The following TMPRSS11D variants were observed in gnomAD, a reference collection of about 807,000 sequenced individuals.
TMPRSS11D encodes transmembrane serine protease 11D.
TMPRSS11D carries 32 observed loss-of-function variants against 44.4 expected under a neutral mutation model. The observed-to-expected ratio is 0.72, with a 90% CI of 0.54 to 0.97. The LOEUF is 0.97. Ranked by LOEUF, TMPRSS11D falls within the 50% of genes least tolerant of loss-of-function variation. The probability of loss-of-function intolerance (pLI) is 0.00; values close to 1 mark genes in which losing one functional copy is unlikely to be tolerated. For synonymous variants in TMPRSS11D, 179 were observed against 177.9 expected (o/e 1.01, Z -0.05); for missense variants, 446 against 502.6 (o/e 0.89, Z 1.08).
chr4:67,838,061 C>T, intron 5 of TMPRSS11D, 111 bp downstream of exon 5: 1 of 898,262 alleles, frequency 1.1e-6, no homozygotes. Flanking sequence ...ATTGTTTTCA[C>T]AGTTTAGTTT....
chr4:67,842,692 T>G (rs1718262071), intron 3 of TMPRSS11D, 67 bp from the exon 4 acceptor site: 1 of 1,413,498 alleles, frequency 7.1e-7, no homozygotes, highest in Non-Finnish European at 9.9e-7. Flanking sequence ...CTCTCAACCT[T>G]GCAACATGAG....
At chr4:67,859,531 A>C (rs766747403) in intron 2 of TMPRSS11D, 26 bp downstream of exon 2, 8 of 1,606,562 alleles carry the variant, frequency 5.0e-6, no homozygotes, top group Non-Finnish European at 6.0e-6. Flanking sequence ...ATTAAATCTG[A>C]AGAGTAATAA....
At chr4:67,861,649 T>A (rs1356423326) in intron 1 of TMPRSS11D, among the ~76,000 whole-genome samples, 3 of 152,130 alleles carry the variant, frequency 2.0e-5, no homozygotes, top group South Asian at 2.1e-4. Context: ...GTGCTTTAAC[T>A]TGGATGAGCC....
intron 2 of TMPRSS11D, among the ~76,000 whole-genome samples, chr4:67,855,999 C>T (rs1179437297): frequency 1.3e-5 from 2 of 152,084 alleles, no homozygotes; most frequent in East Asian, 3.9e-4. Flanking sequence ...AGGGCACAAA[C>T]AAATGGAAAG....
At position 67,821,226 on chromosome 4, in the gene TMPRSS11D, T is replaced by C. The variant is rs1443861796; in HGVS notation, c.*1111A>G. On this transcript the variant is annotated 3_prime_UTR_variant, in exon 10 of 10. Transcript: ENST00000283916. ...ACATTTTAGTGGATTTAATTTACAT[T>C]ATATTCTTTGGTGGGGGAGGCATGT... is the stretch of plus-strand genomic sequence containing the variant. The C allele has an allele frequency of 6.6e-6, 1 of 152,134 alleles. No individual in the cohort carries two copies. Among genetic ancestry groups the C allele is most frequent in the East Asian group, 1.9e-4 (1 of 5,194 alleles). 9.4% of individuals were successfully genotyped at this position (152,134 alleles called of 1,614,324 possible).
chr4:67,852,909 T>G (rs933445459), intron 3 of TMPRSS11D, among the ~76,000 whole-genome samples: 1 of 152,146 alleles, frequency 6.6e-6, no homozygotes, highest in Non-Finnish European at 1.5e-5. Flanking sequence ...CTGCAAATAT[T>G]TATAATATAA....
At chr4:67,858,994 A>G (rs1035992346) in intron 2 of TMPRSS11D, among the ~76,000 whole-genome samples, 2 of 152,140 alleles carry the variant, frequency 1.3e-5, no homozygotes, top group African/African-American at 4.8e-5. Context: ...ATAATGTTTT[A>G]AAAAGTTTGA....
intron 8 of TMPRSS11D, 97 bp from the exon 9 acceptor site, chr4:67,825,971 T>C: frequency 7.5e-7 from 1 of 1,333,472 alleles, no homozygotes; most frequent in Non-Finnish European, 1.0e-6. Context: ...CTCCAAACAT[T>C]ATTTCATATT....
chr4:67,847,208 A>G (rs1337861385), intron 3 of TMPRSS11D, among the ~76,000 whole-genome samples: 1 of 152,080 alleles, frequency 6.6e-6, no homozygotes, highest in Admixed American at 6.6e-5. Context: ...CCGGCCTTAA[A>G]AAGTGATTTT....
intron 2 of TMPRSS11D, 137 bp from the exon 3 acceptor site, chr4:67,854,323 G>A (rs561536272): frequency 8.2e-6 from 4 of 489,626 alleles, no homozygotes; most frequent in African/African-American, 6.1e-5. Context: ...CTATGCTTCA[G>A]TGTAATTATG....
chr4:67,874,926 A>G (rs1342032089), intron 1 of TMPRSS11D, among the ~76,000 whole-genome samples: 1 of 152,192 alleles, frequency 6.6e-6, no homozygotes, highest in Non-Finnish European at 1.5e-5. Flanking sequence ...AAAAAAGGTG[A>G]CTTTTAGTGA....
chr4:67,822,994 T>C (rs534285327), intron 9 of TMPRSS11D, among the ~76,000 whole-genome samples: 2 of 152,206 alleles, frequency 1.3e-5, no homozygotes, highest in African/African-American at 4.8e-5. Flanking sequence ...TGTTTTGATG[T>C]AGCAGCTGCA....
At chr4:67,850,593 G>A (rs1018847449) in intron 3 of TMPRSS11D, among the ~76,000 whole-genome samples, 2 of 152,136 alleles carry the variant, frequency 1.3e-5, no homozygotes, top group African/African-American at 4.8e-5. Context: ...AGCAGCAAGG[G>A]CTCGGTGCCA....
chr4:67,846,888 C>A (rs1156623070), intron 3 of TMPRSS11D, among the ~76,000 whole-genome samples: 1 of 141,176 alleles, frequency 7.1e-6, no homozygotes, highest in Non-Finnish European at 1.5e-5. Context: ...CTCTCTATAG[C>A]ATGAATTTTA....
chr4:67,841,394 CA>C (rs1439149456), intron 4 of TMPRSS11D, among the ~76,000 whole-genome samples: 2 of 152,158 alleles, frequency 1.3e-5, no homozygotes, highest in East Asian at 3.9e-4. Context: ...CAAGGCCATG[CA>C]AACCAAGGGA....
chr4:67,867,188 GC>G (rs1718946403), intron 1 of TMPRSS11D, among the ~76,000 whole-genome samples: 1 of 151,946 alleles, frequency 6.6e-6, no homozygotes, highest in African/African-American at 2.4e-5. Context: ...CTTACCTACA[GC>G]CAACGGACCT....
intron 2 of TMPRSS11D, among the ~76,000 whole-genome samples, chr4:67,859,043 C>T (rs1300308649): frequency 6.6e-6 from 1 of 152,106 alleles, no homozygotes; most frequent in Non-Finnish European, 1.5e-5. Flanking sequence ...AATTTATCTC[C>T]TGACCATCCT....
intron 1 of TMPRSS11D, among the ~76,000 whole-genome samples, chr4:67,882,170 A>T (rs1719335730): frequency 6.6e-6 from 1 of 152,118 alleles, no homozygotes; most frequent in Non-Finnish European, 1.5e-5. Flanking sequence ...AATTTTTTAT[A>T]AAAAAAGCAA....
chr4:67,844,322 T>C (rs1718306552), intron 3 of TMPRSS11D, among the ~76,000 whole-genome samples: 1 of 152,236 alleles, frequency 6.6e-6, no homozygotes, highest in Non-Finnish European at 1.5e-5. Flanking sequence ...GGATGATTGA[T>C]GTCAGACCAA....
Sources: allele counts gnomAD v4.1 joint callset (sites outside exome capture counted in the v4.1 genomes callset), GRCh38; gene constraint gnomAD v4.1.1; transcripts MANE v1.5; gene names NCBI Gene and HGNC (gene_info 2026-07-23, HGNC 2026-07-21).